ZBTB34: variants seen among roughly 807,000 people sequenced by gnomAD.
The protein encoded by ZBTB34 is zinc finger and BTB domain-containing protein 34.
In ZBTB34, 1 loss-of-function variant was observed where a neutral mutation model predicts 33.4. The ratio of observed to expected loss-of-function variants is 0.03; its 90% CI spans 0.01 to 0.14. The LOEUF is 0.14. Ranked by LOEUF, ZBTB34 falls within the 10% of genes least tolerant of loss-of-function variation. The pLI is 1.00. For missense variants in ZBTB34, 406 were observed against 657.2 expected (o/e 0.62, Z 4.18); for synonymous variants, 283 against 253.5 (o/e 1.12, Z -1.11).
chr9:126,863,131 A>G (rs185567289), intron 1 of ZBTB34, among the ~76,000 whole-genome samples: 1 of 152,304 alleles, frequency 6.6e-6, no homozygotes, highest in East Asian at 1.9e-4. Context: ...GGGAAAGAAC[A>G]GCAGCTTTGG....
chr9:126,874,886 A>G (rs576576216), intron 1 of ZBTB34, among the ~76,000 whole-genome samples: 24 of 152,336 alleles, frequency 1.6e-4, no homozygotes, highest in African/African-American at 5.8e-4. Flanking sequence ...CCATCGTGAA[A>G]GATCTCATAG....
intron 1 of ZBTB34, among the ~76,000 whole-genome samples, chr9:126,866,754 G>A (rs1274774956): frequency 1.3e-5 from 2 of 151,660 alleles, no homozygotes; most frequent in Non-Finnish European, 2.9e-5. Flanking sequence ...ATATTTGTAG[G>A]TACTAACCTA....
In ZBTB34 at chr9:126,863,687, A is replaced by G. The variant is rs1317388566; in HGVS notation, c.-11+2948A>G. ...TCTGGTTGATGTTGATGGCAAGGAA[A>G]ACCTCATGGAAGAATGCAAGTCAAG... On this transcript the variant is annotated intron_variant, in intron 1 of 1. Coordinates refer to ENST00000319119, the Ensembl canonical transcript of ZBTB34. 3 of 985,296 alleles carry G rather than the reference A, an allele frequency of 3.0e-6. No individual in the cohort carries two copies. The African/African-American group carries it at 5.2e-5, about 17-fold the overall frequency. 61.0% of individuals were successfully genotyped at this position (985,296 alleles called of 1,614,324 possible).
intron 1 of ZBTB34, among the ~76,000 whole-genome samples, chr9:126,872,691 C>T (rs1304338816): frequency 1.3e-5 from 2 of 152,128 alleles, no homozygotes; most frequent in East Asian, 1.9e-4. Flanking sequence ...GGTCATATGG[C>T]TCAGACTGAA....
intron 1 of ZBTB34, among the ~76,000 whole-genome samples, chr9:126,876,373 C>G (rs1223859444): frequency 6.7e-6 from 1 of 149,876 alleles, no homozygotes; most frequent in East Asian, 2.0e-4. Context: ...TTGCCTTACG[C>G]TGAAAGGGCA....
At chr9:126,861,198 G>C (rs887499486) in intron 1 of ZBTB34, among the ~76,000 whole-genome samples, 1 of 152,206 alleles carries the variant, frequency 6.6e-6, no homozygotes, top group Non-Finnish European at 1.5e-5. Flanking sequence ...TCGGGTGGCT[G>C]CCACGGAGCC....
chr9:126,873,802 A>G (rs2033314535), intron 1 of ZBTB34, among the ~76,000 whole-genome samples: 1 of 150,706 alleles, frequency 6.6e-6, no homozygotes, highest in African/African-American at 2.4e-5. Flanking sequence ...ACAGGGTTGC[A>G]CCAGGTCGAT....
At chr9:126,871,366 CTTT>C (rs575246185) in intron 1 of ZBTB34, among the ~76,000 whole-genome samples, 8 of 137,050 alleles carry the variant, frequency 5.8e-5, no homozygotes, top group Middle Eastern at 3.4e-3. Context: ...GATTTTTTTT[CTTT>C]TTTTTTTTTT....
At chr9:126,869,693 C>T (rs906240680) in intron 1 of ZBTB34, among the ~76,000 whole-genome samples, 1 of 152,116 alleles carries the variant, frequency 6.6e-6, no homozygotes, top group Admixed American at 6.5e-5. Context: ...TGTGTGGTCA[C>T]GGCAGAGGCT....
At chr9:126,860,979 C>A (rs1192652731) in intron 1 of ZBTB34, among the ~76,000 whole-genome samples, 1 of 151,758 alleles carries the variant, frequency 6.6e-6, no homozygotes, top group Non-Finnish European at 1.5e-5. Context: ...CCCCGAGGGG[C>A]CAGCTGTGCT....
intron 1 of ZBTB34, among the ~76,000 whole-genome samples, chr9:126,868,781 T>C (rs1023077590): frequency 1.3e-5 from 2 of 152,200 alleles, no homozygotes; most frequent in African/African-American, 2.4e-5. Context: ...TCTGTGACTT[T>C]CACCTTCAAA....
intron 1 of ZBTB34, among the ~76,000 whole-genome samples, chr9:126,878,179 A>G (rs918322037): frequency 2.0e-5 from 3 of 151,654 alleles, no homozygotes; most frequent in Non-Finnish European, 4.4e-5. Context: ...AATAAAAAAT[A>G]GTAATAATAG....
chr9:126,872,341 G>A (rs1458244879), intron 1 of ZBTB34, among the ~76,000 whole-genome samples: 1 of 152,182 alleles, frequency 6.6e-6, no homozygotes, highest in East Asian at 1.9e-4. Flanking sequence ...TTGGGCCTAG[G>A]AGGTTGAGGC....
chr9:126,867,765 GTT>G (rs767842030), intron 1 of ZBTB34, among the ~76,000 whole-genome samples: 3 of 131,186 alleles, frequency 2.3e-5, no homozygotes, highest in Non-Finnish European at 1.7e-5. Flanking sequence ...TCATTTTTTT[GTT>G]TTTTTTTTTT....
chr9:126,881,079 T>C, exon 2 of ZBTB34: 1 of 777,832 alleles, frequency 1.3e-6, no homozygotes, highest in South Asian at 2.0e-5. Flanking sequence ...TCCTTTCCCC[T>C]GCCCTCCCTC....
At chr9:126,876,862 C>G (rs759334622) in intron 1 of ZBTB34, among the ~76,000 whole-genome samples, 1 of 152,084 alleles carries the variant, frequency 6.6e-6, no homozygotes, top group Non-Finnish European at 1.5e-5. Context: ...TATTCCTCTT[C>G]GACTAAAATG....
chr9:126,880,658 A>T lies in ZBTB34; in HGVS notation c.1259A>T (p.Glu420Val). ...AAGTACACACGGAAGGACCAACTGG[A>T]GTACCACATCCGGGGCCATACAGAT... Residue 420 changes from glutamate to valine, a missense_variant, in exon 2 of 2, where the codon GAG becomes GTG. Physicochemically the swap from Glu to Val is moderately radical, Grantham distance 121. Coordinates refer to ENST00000319119, the Ensembl canonical transcript of ZBTB34. The surrounding 1 kb of genome is among the most constrained non-coding windows in gnomAD (Gnocchi z 6.7). The T allele has an allele frequency of 1.2e-6, 2 of 1,613,896 alleles. No individual in the cohort carries two copies. The highest frequency in any genetic ancestry group is 1.7e-6 in the Non-Finnish European group (2 of 1,179,898).
chr9:126,872,134 A>G (rs1489711838), intron 1 of ZBTB34, among the ~76,000 whole-genome samples: 1 of 151,948 alleles, frequency 6.6e-6, no homozygotes, highest in African/African-American at 2.4e-5. Context: ...TATTTTCAGT[A>G]GAGACGGGGT....
At chr9:126,881,975 C>T (rs1004535957) in exon 2 of ZBTB34, 30 of 165,960 alleles carry the variant, frequency 1.8e-4, no homozygotes, top group African/African-American at 7.0e-4. Flanking sequence ...TGTTTTTTTT[C>T]TTTCTCTTTT....
Sources: allele counts gnomAD v4.1 joint callset (sites outside exome capture counted in the v4.1 genomes callset), GRCh38; gene constraint gnomAD v4.1.1; non-coding constraint Gnocchi (gnomAD v3.1); transcripts MANE v1.5; gene names NCBI Gene and HGNC (gene_info 2026-07-23, HGNC 2026-07-21).